The following ZC3H12B variants were observed in gnomAD, a reference collection of about 807,000 sequenced individuals.
The protein encoded by ZC3H12B is probable ribonuclease ZC3H12B.
In ZC3H12B, 7 loss-of-function variants were observed where a neutral mutation model predicts 43.9. That is an observed-to-expected ratio of 0.16 (90% CI 0.09 to 0.30). The LOEUF (loss-of-function observed/expected upper bound fraction) is 0.30. Ranked by LOEUF, ZC3H12B falls within the 10% of genes least tolerant of loss-of-function variation. ZC3H12B has a pLI of 1.00. For synonymous variants in ZC3H12B, 222 were observed against 241.7 expected (o/e 0.92, Z 0.76); for missense variants, 475 against 670.2 (o/e 0.71, Z 3.22).
At chrX:65,457,827 C>T (rs1602479844) in intron 3 of ZC3H12B, among the ~76,000 whole-genome samples, 3 of 62,618 alleles carry the variant, frequency 4.8e-5, no homozygotes, top group African/African-American at 1.9e-4. Context: ...GGATTAAGGG[C>T]GGTGCAAGAT....
chrX:65,477,182 G>A (rs1480285684), intron 3 of ZC3H12B, among the ~76,000 whole-genome samples: 1 of 108,928 alleles, frequency 9.2e-6, no homozygotes, highest in East Asian at 2.9e-4. Context: ...AGGGGTAATG[G>A]CACTGCCTAG....
chrX:65,310,529 C>G, the ZC3H12B span, among the ~76,000 whole-genome samples: 1 of 112,106 alleles, frequency 8.9e-6, no homozygotes, highest in African/African-American at 3.2e-5. Flanking sequence ...ATTCTATGCT[C>G]ATGGATAAGA....
At chrX:65,257,971 G>A in the ZC3H12B span, among the ~76,000 whole-genome samples, 2 of 111,293 alleles carry the variant, frequency 1.8e-5, no homozygotes, top group Non-Finnish European at 1.9e-5. Context: ...AAAAGAGTTG[G>A]TACCATTCCT....
At chrX:65,140,381 A>G in the ZC3H12B span, among the ~76,000 whole-genome samples, 2 of 111,532 alleles carry the variant, frequency 1.8e-5, no homozygotes, top group Non-Finnish European at 1.9e-5. Context: ...TTGTCTGTCA[A>G]TGTGGCATAT....
the ZC3H12B span, among the ~76,000 whole-genome samples, chrX:65,216,294 G>GA: frequency 1.8e-5 from 2 of 111,425 alleles, no homozygotes; most frequent in Non-Finnish European, 3.8e-5. Context: ...CAAGCACTGA[G>GA]AGAGTATATG....
chrX:65,149,620 T>A, the ZC3H12B span, among the ~76,000 whole-genome samples: 1 of 107,846 alleles, frequency 9.3e-6, no homozygotes, highest in Non-Finnish European at 1.9e-5. Flanking sequence ...AAAAATTAAC[T>A]GGGCATGATG....
At chrX:65,308,330 G>A in the ZC3H12B span, among the ~76,000 whole-genome samples, 4 of 110,564 alleles carry the variant, frequency 3.6e-5, no homozygotes, top group Non-Finnish European at 5.7e-5. Flanking sequence ...AAAAAAAGCA[G>A]GGGTTGCAAG....
chrX:65,226,533 AT>A, the ZC3H12B span, among the ~76,000 whole-genome samples: 1 of 111,622 alleles, frequency 9.0e-6, no homozygotes, highest in Non-Finnish European at 1.9e-5. Flanking sequence ...ACATAACAAT[AT>A]TAACTTTAAA....
the ZC3H12B span, among the ~76,000 whole-genome samples, chrX:65,218,349 G>C: frequency 5.3e-5 from 6 of 112,341 alleles, no homozygotes; most frequent in Admixed American, 9.4e-5. Context: ...GCCACTGCAG[G>C]CTACATGGGA....
the ZC3H12B span, among the ~76,000 whole-genome samples, chrX:65,245,051 A>C: frequency 9.0e-6 from 1 of 111,417 alleles, no homozygotes; most frequent in African/African-American, 3.3e-5. Context: ...GGAAATGACA[A>C]GAGGGATGTT....
the ZC3H12B span, chrX:65,331,040 G>C: frequency 3.0e-6 from 1 of 336,683 alleles, no homozygotes; most frequent in South Asian, 3.0e-5. Flanking sequence ...TGGTGTCCAC[G>C]TATTTGAGTA....
At chrX:65,477,836 T>G in intron 3 of ZC3H12B, among the ~76,000 whole-genome samples, 1 of 109,252 alleles carries the variant, frequency 9.2e-6, no homozygotes, top group Non-Finnish European at 1.9e-5. Flanking sequence ...TGTGTGTGTG[T>G]GTGTGTGTGT....
At chrX:65,340,969 C>T in the ZC3H12B span, among the ~76,000 whole-genome samples, 21 of 111,752 alleles carry the variant, frequency 1.9e-4, no homozygotes, top group Admixed American at 6.6e-4. Flanking sequence ...AATAAAATGG[C>T]CCAGGAGCTT....
At chrX:65,402,923 G>A (rs1215680972) in intron 3 of ZC3H12B, among the ~76,000 whole-genome samples, 4 of 112,001 alleles carry the variant, frequency 3.6e-5, no homozygotes, top group African/African-American at 1.3e-4. Context: ...AGACACCAAA[G>A]AATATTTACT....
intron 3 of ZC3H12B, among the ~76,000 whole-genome samples, chrX:65,405,077 G>A (rs2066806597): frequency 8.9e-6 from 1 of 111,954 alleles, no homozygotes. Flanking sequence ...ACACATGGAA[G>A]TTAAACAATA....
At chrX:65,418,602 C>T (rs1277474925) in intron 3 of ZC3H12B, among the ~76,000 whole-genome samples, 1 of 111,679 alleles carries the variant, frequency 9.0e-6, no homozygotes, top group Non-Finnish European at 1.9e-5. Context: ...ATCAGAATAG[C>T]CTGACTCATA....
chrX:65,315,649 C>G, the ZC3H12B span, among the ~76,000 whole-genome samples: 1 of 110,832 alleles, frequency 9.0e-6, no homozygotes, highest in South Asian at 3.8e-4. Flanking sequence ...AACGTAAAAC[C>G]AAAAGAAAAA....
At chrX:65,437,931 G>T (rs1326291217) in intron 3 of ZC3H12B, among the ~76,000 whole-genome samples, 1 of 112,262 alleles carries the variant, frequency 8.9e-6, no homozygotes, top group African/African-American at 3.2e-5. Context: ...CAAGAGATAA[G>T]AGTCTAGTTT....
chrX:65,350,741 A>G, the ZC3H12B span, among the ~76,000 whole-genome samples: 1 of 111,943 alleles, frequency 8.9e-6, no homozygotes, highest in African/African-American at 3.2e-5. Flanking sequence ...AATATAAAAT[A>G]CATAGGAATA....
Sources: gnomAD v4.1 joint callset for allele counts (sites outside exome capture counted in the v4.1 genomes callset) on GRCh38, gnomAD v4.1.1 for gene constraint, MANE v1.5 for transcripts, NCBI Gene and HGNC (gene_info 2026-07-23, HGNC 2026-07-21) for gene names.